Variants in STXBP6 observed in about 807,000 individuals in gnomAD.
The protein encoded by STXBP6 is syntaxin-binding protein 6.
Under a neutral mutation model 26.9 loss-of-function variants are expected in STXBP6, and 21 were observed. The ratio of observed to expected loss-of-function variants is 0.78; its 90% confidence interval spans 0.55 to 1.12. The LOEUF is 1.12. STXBP6 is among the 50% of genes most tolerant of loss of function. The probability of loss-of-function intolerance (pLI) is 0.00; values close to 1 mark genes in which losing one functional copy is unlikely to be tolerated. For missense variants in STXBP6, 232 were observed against 257.9 expected (o/e 0.90, Z 0.69); for synonymous variants, 97 against 92.6 (o/e 1.05, Z -0.27).
At chr14:25,008,679 C>T (rs776209565) in intron 1 of STXBP6, among the ~76,000 whole-genome samples, 6 of 152,106 alleles carry the variant, frequency 3.9e-5, no homozygotes, top group Non-Finnish European at 5.9e-5. Context: ...TCTGTTGACT[C>T]TCAAATAGCA....
intron 2 of STXBP6, among the ~76,000 whole-genome samples, chr14:24,944,463 G>T (rs1050734934): frequency 5.3e-5 from 8 of 152,138 alleles, no homozygotes; most frequent in Non-Finnish European, 2.9e-5. Context: ...AGCACATAGG[G>T]GATATGGGAG....
intron 4 of STXBP6, among the ~76,000 whole-genome samples, chr14:24,826,305 CTATCTCATG>C (rs1566384046): frequency 6.6e-6 from 1 of 152,140 alleles, no homozygotes; most frequent in Non-Finnish European, 1.5e-5. Flanking sequence ...GGTCTAGTAT[CTATCTCATG>C]AGATTGCTGT....
At chr14:24,919,332 T>C (rs1257636053) in intron 2 of STXBP6, among the ~76,000 whole-genome samples, 2 of 151,978 alleles carry the variant, frequency 1.3e-5, no homozygotes, top group Admixed American at 1.3e-4. Context: ...AAAGGGAAAA[T>C]TATCCTGTAA....
intron 2 of STXBP6, among the ~76,000 whole-genome samples, chr14:24,918,452 CCACACACACACACACACACACACACA>C (rs55810129): frequency 6.0e-5 from 8 of 133,478 alleles, no homozygotes; most frequent in South Asian, 2.8e-4. Context: ...CACACCCCCA[CCACACACACACACACACACACACACA>C]CACACACACA....
intron 1 of STXBP6, 145 bp from the exon 2 acceptor site, chr14:24,974,995 C>T (rs1010237853): frequency 4.5e-5 from 22 of 492,232 alleles, no homozygotes; most frequent in African/African-American, 3.5e-4. Flanking sequence ...ATTATAGAAA[C>T]ATTAAAAGCA....
intron 1 of STXBP6, among the ~76,000 whole-genome samples, chr14:24,975,723 A>G (rs1018680899): frequency 6.6e-6 from 1 of 152,168 alleles, no homozygotes; most frequent in African/African-American, 2.4e-5. Context: ...CCCATGTTAT[A>G]TTTAGTTTTC....
Position 24,885,168 on chromosome 14 carries a change from G to C in STXBP6, c.155-28011C>G, listed in dbSNP as rs115844166. ...TCTGAAAATCTAAGAGGACCATAAA[G>C]TTTCTGTGATATTTCTATTCTTTAC... On this transcript the variant is annotated intron_variant, in intron 2 of 5. Coordinates refer to ENST00000323944, the MANE Select transcript of STXBP6 (RefSeq NM_001394410.1). Among the ~76,000 whole-genome samples the C allele has an allele frequency of 8.5e-3, 1,291 of 152,186 alleles. 20 individuals are homozygous for C. The highest frequency in any genetic ancestry group is 0.029 in the African/African-American group (1,211 of 41,504).
At chr14:25,022,054 A>T (rs1052381541) in intron 1 of STXBP6, among the ~76,000 whole-genome samples, 1 of 152,214 alleles carries the variant, frequency 6.6e-6, no homozygotes, top group Non-Finnish European at 1.5e-5. Flanking sequence ...GTGAAAACTC[A>T]CAATTTTAAA....
At chr14:24,923,591 T>A (rs541575165) in intron 2 of STXBP6, among the ~76,000 whole-genome samples, 1 of 152,100 alleles carries the variant, frequency 6.6e-6, no homozygotes, top group Non-Finnish European at 1.5e-5. Flanking sequence ...GCTCTACATC[T>A]TCACCATTGC....
At position 24,878,754 on chromosome 14, in the gene STXBP6, T is replaced by C. The variant is rs1282157184; in HGVS notation, c.155-21597A>G. The stretch of plus-strand genomic sequence containing the variant: ...AACCATAACACACGTTTCATCCTCA[T>C]TAGCTGGTCTTCTCTCTAAAATTCA... On this transcript the variant is annotated intron_variant, in intron 2 of 5. Transcript: ENST00000323944. 4 of 450,494 alleles carry C rather than the reference T, an allele frequency of 8.9e-6. No individual in the cohort carries two copies. The Admixed American group carries it at 9.4e-5, about 11-fold the overall frequency. 27.9% of individuals were successfully genotyped at this position (450,494 alleles called of 1,614,324 possible).
intron 4 of STXBP6, among the ~76,000 whole-genome samples, chr14:24,854,774 T>G (rs1318619975): frequency 6.6e-6 from 1 of 152,116 alleles, no homozygotes; most frequent in Non-Finnish European, 1.5e-5. Context: ...TATTATATTT[T>G]CCAAATAGGT....
At chr14:24,828,734 A>G (rs576105094) in intron 4 of STXBP6, among the ~76,000 whole-genome samples, 1 of 152,358 alleles carries the variant, frequency 6.6e-6, no homozygotes, top group East Asian at 1.9e-4. Flanking sequence ...ATCTGTTCAG[A>G]TCAGATTGCA....
chr14:24,824,773 ATCAG>A (rs1249226898), intron 4 of STXBP6, among the ~76,000 whole-genome samples: 1 of 152,244 alleles, frequency 6.6e-6, no homozygotes, highest in Non-Finnish European at 1.5e-5. Context: ...CAGTGTGAAC[ATCAG>A]TCAATCACAA....
At chr14:24,861,173 C>T (rs1055288241) in intron 2 of STXBP6, among the ~76,000 whole-genome samples, 1 of 152,110 alleles carries the variant, frequency 6.6e-6, no homozygotes, top group African/African-American at 2.4e-5. Flanking sequence ...TCATGTGCAG[C>T]CCTATTTTGA....
At chr14:24,989,641 G>C (rs1286658507) in intron 1 of STXBP6, among the ~76,000 whole-genome samples, 1 of 152,150 alleles carries the variant, frequency 6.6e-6, no homozygotes, top group African/African-American at 2.4e-5. Flanking sequence ...TATGGTGCAC[G>C]CCTAATGTAT....
chr14:24,969,254 T>G (rs139645699), intron 2 of STXBP6, among the ~76,000 whole-genome samples: 262 of 152,310 alleles, frequency 1.7e-3, no homozygotes, highest in South Asian at 8.1e-3. Flanking sequence ...TCACAAAAAT[T>G]AAAGCTCCCA....
At chr14:25,011,514 G>A (rs1317151216) in intron 1 of STXBP6, among the ~76,000 whole-genome samples, 1 of 152,188 alleles carries the variant, frequency 6.6e-6, no homozygotes, top group East Asian at 1.9e-4. Flanking sequence ...GCCAAGAGAA[G>A]CTAAGGTTAT....
intron 2 of STXBP6, among the ~76,000 whole-genome samples, chr14:24,889,504 A>G (rs2139513101): frequency 6.6e-6 from 1 of 151,390 alleles, no homozygotes; most frequent in African/African-American, 2.4e-5. Flanking sequence ...AACATGGCAC[A>G]TGTATACATA....
intron 2 of STXBP6, among the ~76,000 whole-genome samples, chr14:24,923,396 C>T (rs895024119): frequency 3.3e-5 from 5 of 152,142 alleles, no homozygotes; most frequent in African/African-American, 1.2e-4. Context: ...TTCCTATTCA[C>T]AGTTACATTC....
Sources: gnomAD v4.1 joint callset for allele counts (sites outside exome capture counted in the v4.1 genomes callset) on GRCh38, gnomAD v4.1.1 for gene constraint, MANE v1.5 for transcripts, NCBI Gene and HGNC (gene_info 2026-07-23, HGNC 2026-07-21) for gene names.